TRPM3: variants seen among roughly 807,000 people sequenced by gnomAD.
TRPM3 encodes the protein long transient receptor potential channel 3.
Under a neutral mutation model 181.2 loss-of-function variants are expected in TRPM3, and 77 were observed. The ratio of observed to expected loss-of-function variants is 0.42; its 90% CI spans 0.35 to 0.51. The LOEUF (loss-of-function observed/expected upper bound fraction) is 0.51. TRPM3 is among the 20% of genes least tolerant of loss of function. The pLI is 0.01. For synonymous variants in TRPM3, 745 were observed against 796.4 expected, an observed-to-expected ratio of 0.94 and a Z score of 1.09; for missense variants, 1,759 against 2,196.7, an observed-to-expected ratio of 0.80 and a Z score of 3.98.
At chr9:70,923,826 C>G (rs145444332) in intron 1 of TRPM3, among the ~76,000 whole-genome samples, 6 of 142,486 alleles carry the variant, frequency 4.2e-5, no homozygotes, top group African/African-American at 1.6e-4. Flanking sequence ...CTCTCTCTCT[C>G]TCTATATATA....
At chr9:70,872,116 G>A (rs1053228454) in intron 1 of TRPM3, among the ~76,000 whole-genome samples, 1 of 151,916 alleles carries the variant, frequency 6.6e-6, no homozygotes, top group African/African-American at 2.4e-5. Context: ...TCTGCTAAGG[G>A]CCAGATGGTA....
intron 1 of TRPM3, among the ~76,000 whole-genome samples, chr9:70,885,163 C>G (rs79343543): frequency 6.6e-6 from 1 of 152,176 alleles, no homozygotes; most frequent in Non-Finnish European, 1.5e-5. Flanking sequence ...CCATCCTTGA[C>G]GGTGCCATAA....
intron 18 of TRPM3, 89 bp downstream of exon 18, chr9:70,615,819 C>T: frequency 7.4e-7 from 1 of 1,343,340 alleles, no homozygotes; most frequent in Non-Finnish European, 1.0e-6. Flanking sequence ...GATGTCTGAC[C>T]TAAGGAGTTA....
At chr9:70,831,983 A>ATATATTTATATATATATATATATT (rs1588984553) in intron 5 of TRPM3, among the ~76,000 whole-genome samples, 1 of 103,424 alleles carries the variant, frequency 9.7e-6, no homozygotes, top group African/African-American at 4.2e-5. Flanking sequence ...ATATATATAT[A>ATATATTTATATATATATATATATT]TATATATATA....
chr9:71,308,340 G>A (rs929332879), intron 1 of TRPM3, among the ~76,000 whole-genome samples: 1 of 152,036 alleles, frequency 6.6e-6, no homozygotes, highest in African/African-American at 2.4e-5. Flanking sequence ...AAATTTAGAG[G>A]ATTATTTGAG....
intron 1 of TRPM3, among the ~76,000 whole-genome samples, chr9:71,105,515 T>A (rs2069313714): frequency 6.6e-6 from 1 of 152,042 alleles, no homozygotes; most frequent in African/African-American, 2.4e-5. Context: ...CATGTTAGGA[T>A]TGGCTATTCT....
chr9:71,165,596 C>T (rs190753763), intron 1 of TRPM3, among the ~76,000 whole-genome samples: 21 of 152,216 alleles, frequency 1.4e-4, no homozygotes, highest in Admixed American at 1.1e-3. Flanking sequence ...CAGTTTTCCA[C>T]GCACCAGTCT....
At chr9:70,811,116 G>C in intron 6 of TRPM3, 1 of 1,398,634 alleles carries the variant, frequency 7.1e-7, no homozygotes, top group Non-Finnish European at 1.0e-6. Context: ...GACTTCTGTG[G>C]TTAATTTCTT....
chr9:70,796,938 G>A (rs1338355871), intron 6 of TRPM3, among the ~76,000 whole-genome samples: 4 of 151,966 alleles, frequency 2.6e-5, no homozygotes. Context: ...AGACCAGCCT[G>A]GAAAACATAG....
At chr9:70,843,798 C>T (rs954743624) in intron 4 of TRPM3, among the ~76,000 whole-genome samples, 3 of 151,934 alleles carry the variant, frequency 2.0e-5, no homozygotes, top group African/African-American at 4.8e-5. Flanking sequence ...TTTTTAAAAA[C>T]CATTTAAAGA....
At chr9:70,852,128 C>CAAAAAA (rs35682319) in intron 3 of TRPM3, among the ~76,000 whole-genome samples, 1 of 44,914 alleles carries the variant, frequency 2.2e-5, no homozygotes, top group African/African-American at 1.0e-4. Context: ...ACTCTATCTC[C>CAAAAAA]AAAAAAAAAA....
chr9:71,216,390 G>A (rs551073228), intron 1 of TRPM3, among the ~76,000 whole-genome samples: 17 of 152,330 alleles, frequency 1.1e-4, no homozygotes, highest in African/African-American at 3.8e-4. Flanking sequence ...ATCAAAGATT[G>A]TAAGTCACTT....
intron 1 of TRPM3, among the ~76,000 whole-genome samples, chr9:70,884,655 T>A (rs1180538249): frequency 2.0e-5 from 3 of 152,312 alleles, no homozygotes; most frequent in South Asian, 2.1e-4. Context: ...ATGCCTTTAG[T>A]TTTTGCAACA....
intron 6 of TRPM3, among the ~76,000 whole-genome samples, chr9:70,822,939 T>A (rs2131609820): frequency 6.6e-6 from 1 of 152,236 alleles, no homozygotes; most frequent in East Asian, 1.9e-4. Flanking sequence ...CCCGGTGTTT[T>A]CATGAATGGG....
In TRPM3 at chr9:71,081,734, G is replaced by C. The variant is rs572119242; in HGVS notation, c.177+39444C>G. ...TGAGCCCTTAGAAATAAGAAACTTG[G>C]TTTAACTACATGCTTTGTATCCTAT... On this transcript the variant is annotated intron_variant, in intron 1 of 25. Coordinates refer to ENST00000677713, the MANE Select transcript of TRPM3 (RefSeq NM_001366145.2). Among the ~76,000 whole-genome samples the C allele has an allele frequency of 9.5e-4, 145 of 152,108 alleles. 1 individual carries two copies. The highest frequency in any genetic ancestry group is 3.3e-3 in the African/African-American group (136 of 41,514).
chr9:71,057,125 G>A (rs1402067549), intron 1 of TRPM3, among the ~76,000 whole-genome samples: 7 of 151,996 alleles, frequency 4.6e-5, no homozygotes, highest in Middle Eastern at 3.4e-3. Context: ...TGACCCCCTC[G>A]ACACAGAGTT....
chr9:71,095,483 G>A (rs2066988432), intron 1 of TRPM3, among the ~76,000 whole-genome samples: 1 of 152,064 alleles, frequency 6.6e-6, no homozygotes, highest in Admixed American at 6.6e-5. Flanking sequence ...TTGAGGCCAG[G>A]TGCGGTGGCT....
intron 1 of TRPM3, among the ~76,000 whole-genome samples, chr9:70,935,776 A>G (rs2096823425): frequency 6.6e-6 from 1 of 152,226 alleles, no homozygotes; most frequent in Non-Finnish European, 1.5e-5. Flanking sequence ...AACATTTAAA[A>G]AAGAAGTGGC....
chr9:71,412,368 C>A (rs2093567475), intron 1 of TRPM3, among the ~76,000 whole-genome samples: 1 of 152,112 alleles, frequency 6.6e-6, no homozygotes, highest in African/African-American at 2.4e-5. Context: ...GGGCTAATAT[C>A]CAGAATCTAC....
Sources: allele counts gnomAD v4.1 joint callset (sites outside exome capture counted in the v4.1 genomes callset), GRCh38; gene constraint gnomAD v4.1.1; transcripts MANE v1.5; gene names NCBI Gene and HGNC (gene_info 2026-07-23, HGNC 2026-07-21).